Variants in RDH12 observed in about 807,000 individuals in gnomAD.
RDH12 encodes the protein retinol dehydrogenase 12.
RDH12 carries 21 observed loss-of-function variants against 34.0 expected under a neutral mutation model. That is an observed-to-expected ratio of 0.62 (90% CI 0.44 to 0.89). The LOEUF is 0.89. Ranked by LOEUF, RDH12 falls within the 40% of genes least tolerant of loss-of-function variation. The pLI, the probability that RDH12 is intolerant of heterozygous loss-of-function variation, is 0.00. For missense variants in RDH12, 394 were observed against 398.6 expected (o/e 0.99, Z 0.10); for synonymous variants, 198 against 169.9 (o/e 1.17, Z -1.29).
chr14:67,721,573 T>C (rs1476271710), intron 2 of RDH12, among the ~76,000 whole-genome samples: 1 of 152,076 alleles, frequency 6.6e-6, no homozygotes. Flanking sequence ...CCCACGTTCA[T>C]CATCTCTCCC....
rs756315539 is a variant in RDH12 at position 67,727,057 on chromosome 14, G to A, written c.525G>A (p.Ser175=). 33 of 1,614,018 alleles carry A rather than the reference G, an allele frequency of 2.0e-5. No homozygotes were observed. The highest frequency in any genetic ancestry group is 4.5e-5 in the East Asian group (2 of 44,882). The change falls in exon 7 of 9, where the codon TCG becomes TCA. Residue 175 remains serine (S), a synonymous_variant. Coordinates refer to ENST00000551171, the MANE Select transcript of RDH12 (RefSeq NM_152443.3). ...SAPARVVNVS[S]VAHHIGKIPF... ...CTGCACGGGTGGTTAATGTGTCCTC[G>A]GTGGCTCACCACATTGGCAAGATTC...
intron 1 of RDH12, among the ~76,000 whole-genome samples, chr14:67,713,282 A>C (rs547917793): frequency 2.7e-4 from 41 of 152,010 alleles, no homozygotes; most frequent in East Asian, 9.7e-4. Flanking sequence ...CAAAACAAAA[A>C]AAAACCTCAT....
At chr14:67,709,358 T>A (rs1305429823) in intron 1 of RDH12, among the ~76,000 whole-genome samples, 2 of 152,236 alleles carry the variant, frequency 1.3e-5, no homozygotes, top group African/African-American at 4.8e-5. Context: ...ATTAAATTCA[T>A]TTTTCAAAAT....
At chr14:67,722,376 G>C (rs896878365) in intron 2 of RDH12, 48 bp from the exon 3 acceptor site, 4 of 560,126 alleles carry the variant, frequency 7.1e-6, no homozygotes, top group Non-Finnish European at 1.3e-5. Context: ...CTCTTTGCCA[G>C]TAAACCTAAG....
chr14:67,731,880 A>G (rs2038281070), intron 8 of RDH12, among the ~76,000 whole-genome samples: 1 of 151,926 alleles, frequency 6.6e-6, no homozygotes, highest in South Asian at 2.1e-4. Context: ...TAATCCCAGC[A>G]CTTTGGGAGG....
intron 3 of RDH12, among the ~76,000 whole-genome samples, chr14:67,723,336 C>A (rs1257337256): frequency 6.6e-6 from 1 of 152,182 alleles, no homozygotes; most frequent in East Asian, 1.9e-4. Context: ...TGGGCTCAAG[C>A]AACCCTCCTG....
Position 67,734,206 on chromosome 14 carries a change from G to A in RDH12, c.*358G>A, listed in dbSNP as rs1022711110. Reference sequence around the variant, plus strand: ...CAGAGGCTCAGCTGAGGCAAGAAGAGCACCATCACTGCCTATTTCTAGGGG... The same window carrying A: ...CAGAGGCTCAGCTGAGGCAAGAAGAACACCATCACTGCCTATTTCTAGGGG... On this transcript the variant is annotated 3_prime_UTR_variant, in exon 9 of 9. Coordinates refer to ENST00000551171, the MANE Select transcript of RDH12 (RefSeq NM_152443.3). 5 of 286,060 alleles carry A rather than the reference G, an allele frequency of 1.7e-5. No individual in the cohort carries two copies. Among genetic ancestry groups the A allele is most frequent in the African/African-American group, 1.1e-4 (5 of 46,022 alleles). The allele number at this position is 286,060 out of a possible 1,614,324, so 17.7% of individuals were successfully genotyped here.
In RDH12 at chr14:67,729,224, G is replaced by C; in HGVS notation, c.692G>C (p.Gly231Ala). Reference protein sequence around the residue: ...TGVTTYAVHPGVVRSELVRHS... With the variant: ...TGVTTYAVHPAVVRSELVRHS... ...GTCACCACCTACGCAGTGCACCCAG[G>C]CGTCGTCCGCTCTGAGCTGGTCCGG... The change falls in exon 8 of 9, where the codon GGC (glycine) becomes GCC (alanine). Residue 231 changes from glycine (G) to alanine (A), a missense_variant. Gly to Ala is a moderately conservative substitution (Grantham distance 60). Coordinates refer to ENST00000551171, the MANE Select transcript of RDH12 (RefSeq NM_152443.3). 1.2e-6 allele frequency: 2 copies of C among 1,611,848 alleles called. No individual in the cohort carries two copies. Among genetic ancestry groups the C allele is most frequent in the Non-Finnish European group, 1.7e-6 (2 of 1,180,024 alleles).
At chr14:67,720,636 G>T (rs996477435) in intron 1 of RDH12, among the ~76,000 whole-genome samples, 7 of 152,014 alleles carry the variant, frequency 4.6e-5, no homozygotes, top group Admixed American at 2.0e-4. Flanking sequence ...TGTGTATTTG[G>T]GTCTATTTCT....
In RDH12 at chr14:67,733,753, A is replaced by C. The variant is rs778445840; in HGVS notation, c.856A>C (p.Lys286Gln). The change falls in exon 9 of 9, where the codon AAG (lysine) becomes CAG (glutamine). Residue 286 changes from lysine (K) to glutamine (Q), a missense_variant. Lys to Gln is a moderately conservative substitution (Grantham distance 53). Coordinates refer to ENST00000551171, the MANE Select transcript of RDH12 (RefSeq NM_152443.3). ...PLSGKYFSDCKRTWVSPRARN... is the reference protein window; with the variant it reads ...PLSGKYFSDCQRTWVSPRARN... ...TCTTTCTCTGCCCTCCAGTGACTGC[A>C]AGAGGACCTGGGTGTCTCCAAGGGC... is the stretch of plus-strand genomic sequence containing the variant. 6.2e-7 allele frequency: 1 copy of C among 1,612,000 alleles called. No homozygotes were observed. Among genetic ancestry groups the C allele is most frequent in the African/African-American group, 1.3e-5 (1 of 75,022 alleles).
chr14:67,729,328 C>T lies in RDH12; in HGVS notation c.796C>T (p.Leu266=), dbSNP rs2038236372. 1 of 1,599,422 alleles carries T rather than the reference C, an allele frequency of 6.3e-7. No individual in the cohort carries two copies. Among genetic ancestry groups the T allele is most frequent in the African/African-American group, 1.3e-5 (1 of 74,876 alleles). ...GGCACGGGAGGGGGCGCAGACCAGC[C>T]TGCACTGCGCCCTGGCTGAGGGCCT... The part of the protein sequence containing the change: ...KTAREGAQTS[L]HCALAEGLEP... The change falls in exon 8 of 9, where the codon CTG becomes TTG. Residue 266 remains leucine (L), a synonymous_variant. Transcript: ENST00000551171.
chr14:67,729,466 G>C, intron 8 of RDH12, 86 bp downstream of exon 8: 1 of 1,348,102 alleles, frequency 7.4e-7, no homozygotes, highest in Admixed American at 1.7e-5. Flanking sequence ...GAGAAGCTGA[G>C]TTTGTGCCTG....
chr14:67,704,513 CT>C (rs1475503446), intron 1 of RDH12, among the ~76,000 whole-genome samples: 1 of 152,084 alleles, frequency 6.6e-6, no homozygotes, highest in Non-Finnish European at 1.5e-5. Context: ...TATAACCACC[CT>C]GGGTTAGGGG....
intron 3 of RDH12, among the ~76,000 whole-genome samples, chr14:67,724,149 C>G (rs1361906258): frequency 1.3e-5 from 2 of 152,204 alleles, no homozygotes; most frequent in Non-Finnish European, 2.9e-5. Flanking sequence ...TCCTCTGGAA[C>G]CTCTAGAGAT....
chr14:67,725,952 C>T, intron 5 of RDH12, 99 bp from the exon 6 acceptor site: 1 of 847,360 alleles, frequency 1.2e-6, no homozygotes, highest in East Asian at 2.4e-5. Context: ...CCAACAAAGA[C>T]AACTAATGAA....
chr14:67,731,850 G>C (rs1042094011), intron 8 of RDH12, among the ~76,000 whole-genome samples: 1 of 151,976 alleles, frequency 6.6e-6, no homozygotes, highest in Non-Finnish European at 1.5e-5. Context: ...AATTTTGCCA[G>C]GTGCAGTGGC....
intron 1 of RDH12, among the ~76,000 whole-genome samples, chr14:67,707,780 G>A (rs1594858796): frequency 6.6e-6 from 1 of 152,194 alleles, no homozygotes; most frequent in Non-Finnish European, 1.5e-5. Context: ...TATGAATTGA[G>A]TTAACCTCTC....
chr14:67,721,152 C>G (rs931408429), intron 2 of RDH12, among the ~76,000 whole-genome samples: 12 of 152,140 alleles, frequency 7.9e-5, no homozygotes, highest in Admixed American at 7.2e-4. Context: ...CATGGGTGTT[C>G]CTGGAGGCTC....
intron 1 of RDH12, among the ~76,000 whole-genome samples, chr14:67,720,302 G>C (rs1448238097): frequency 6.6e-6 from 1 of 152,102 alleles, no homozygotes; most frequent in African/African-American, 2.4e-5. Context: ...TGTCTTCAAA[G>C]CCTGTTATGA....
Sources: gnomAD v4.1 joint callset for allele counts (sites outside exome capture counted in the v4.1 genomes callset) on GRCh38, gnomAD v4.1.1 for gene constraint, MANE v1.5 for transcripts, NCBI Gene and HGNC (gene_info 2026-07-23, HGNC 2026-07-21) for gene names.